PALM2AKAP2: variants seen among roughly 807,000 people sequenced by gnomAD.
PALM2AKAP2 encodes PALM2 and AKAP2 fusion.
Under a neutral mutation model 71.5 loss-of-function variants are expected in PALM2AKAP2, and 37 were observed. That is an observed-to-expected ratio of 0.52 (90% confidence interval 0.40 to 0.68). The LOEUF is 0.68. Ranked by LOEUF, PALM2AKAP2 falls within the 30% of genes least tolerant of loss-of-function variation. The pLI is 0.00. For synonymous variants in PALM2AKAP2, 468 were observed against 478.8 expected, an observed-to-expected ratio of 0.98 and a Z score of 0.29; for missense variants, 1,224 against 1,191.8, an observed-to-expected ratio of 1.03 and a Z score of -0.40.
At chr9:109,841,285 A>T (rs1255064562) in intron 1 of PALM2AKAP2, among the ~76,000 whole-genome samples, 3 of 142,692 alleles carry the variant, frequency 2.1e-5, no homozygotes, top group Non-Finnish European at 4.5e-5. Context: ...CAAACACCGC[A>T]TGTTCTCACT....
At chr9:109,924,266 G>A (rs1830900948) in intron 4 of PALM2AKAP2, among the ~76,000 whole-genome samples, 2 of 152,164 alleles carry the variant, frequency 1.3e-5, no homozygotes, top group South Asian at 4.1e-4. Flanking sequence ...AACACCTTAT[G>A]AAGTGGACAA....
intron 1 of PALM2AKAP2, among the ~76,000 whole-genome samples, chr9:110,050,983 T>C (rs1317597425): frequency 6.6e-6 from 1 of 152,174 alleles, no homozygotes; most frequent in African/African-American, 2.4e-5. Flanking sequence ...CCAAGTTTCC[T>C]GCAATTATCT....
intron 1 of PALM2AKAP2, among the ~76,000 whole-genome samples, chr9:109,646,285 C>T (rs1295785459): frequency 6.6e-6 from 1 of 152,186 alleles, no homozygotes; most frequent in African/African-American, 2.4e-5. Flanking sequence ...TTAACACCTG[C>T]AGTTATTAAT....
intron 1 of PALM2AKAP2, among the ~76,000 whole-genome samples, chr9:109,788,118 A>G (rs750658951): frequency 5.9e-5 from 9 of 152,248 alleles, no homozygotes; most frequent in South Asian, 2.1e-4. Flanking sequence ...ACATCTAGAT[A>G]GGTAATTGCT....
At chr9:109,786,275 A>G (rs1315200340) in intron 1 of PALM2AKAP2, among the ~76,000 whole-genome samples, 4 of 152,174 alleles carry the variant, frequency 2.6e-5, no homozygotes, top group Non-Finnish European at 5.9e-5. Context: ...CCTTGCAATG[A>G]TTTACATACT....
intron 3 of PALM2AKAP2, among the ~76,000 whole-genome samples, chr9:109,900,154 G>A (rs1830297539): frequency 6.6e-6 from 1 of 152,182 alleles, no homozygotes; most frequent in South Asian, 2.1e-4. Context: ...GGGAAGTTCA[G>A]CTTTTGTCTC....
chr9:109,982,029 C>T (rs931703724), intron 6 of PALM2AKAP2, among the ~76,000 whole-genome samples: 36 of 152,010 alleles, frequency 2.4e-4, no homozygotes, highest in African/African-American at 8.0e-4. Context: ...TCACAATAGC[C>T]GAGATTTGGA....
chr9:110,136,566 A>G (rs1231446698), exon 2 of PALM2AKAP2: 14 of 1,613,428 alleles, frequency 8.7e-6, no homozygotes, highest in African/African-American at 1.3e-5. Flanking sequence ...GCTAGCCGGC[A>G]GGCACCTCCT....
chr9:109,692,071 T>A (rs1428827152), intron 1 of PALM2AKAP2, among the ~76,000 whole-genome samples: 1 of 149,710 alleles, frequency 6.7e-6, no homozygotes, highest in Non-Finnish European at 1.5e-5. Flanking sequence ...TTAAATTTTT[T>A]TAAATTTTTA....
chr9:109,938,640 C>A (rs895964516), intron 6 of PALM2AKAP2, among the ~76,000 whole-genome samples: 1 of 152,074 alleles, frequency 6.6e-6, no homozygotes, highest in Non-Finnish European at 1.5e-5. Flanking sequence ...AGTCCCAGAG[C>A]CATATCACAT....
intron 1 of PALM2AKAP2, among the ~76,000 whole-genome samples, chr9:110,099,642 A>G (rs138440830): frequency 6.6e-6 from 1 of 152,290 alleles, no homozygotes; most frequent in East Asian, 1.9e-4. Flanking sequence ...AGGGGGTGGA[A>G]TTGTAGCAAA....
intron 1 of PALM2AKAP2, among the ~76,000 whole-genome samples, chr9:109,741,443 T>A (rs912046392): frequency 5.9e-5 from 9 of 152,234 alleles, no homozygotes; most frequent in Non-Finnish European, 1.5e-5. Flanking sequence ...TTATTGTGCA[T>A]ATACGTTTGC....
In PALM2AKAP2 at chr9:110,123,558, A is replaced by T. The variant is rs149546453; in HGVS notation, c.157-12569A>T. On this transcript the variant is annotated intron_variant, in intron 1 of 3. Coordinates refer to ENST00000374525, the Ensembl canonical transcript of PALM2AKAP2. ...GAGTTCAACATAAGAACTTGTGGAG[A>T]TGACTCAAGTCAACACACAACAGTG... 2.0e-3 allele frequency among the ~76,000 whole-genome samples: 298 copies of T among 152,240 alleles called. 6 individuals carry two copies. The highest frequency in any genetic ancestry group is 6.5e-3 in the African/African-American group (268 of 41,528).
chr9:110,010,130 G>C (rs1832853459), intron 6 of PALM2AKAP2, among the ~76,000 whole-genome samples: 1 of 152,160 alleles, frequency 6.6e-6, no homozygotes, highest in South Asian at 2.1e-4. Context: ...AACTGTCCCT[G>C]ATGGATATTT....
At chr9:109,672,516 G>A (rs770016594) in intron 1 of PALM2AKAP2, among the ~76,000 whole-genome samples, 2 of 152,122 alleles carry the variant, frequency 1.3e-5, no homozygotes, top group African/African-American at 2.4e-5. Context: ...GTATCGTGTT[G>A]AGGATTTTTG....
intron 1 of PALM2AKAP2, 97 bp from the exon 2 acceptor site, chr9:109,867,394 A>G (rs181163956): frequency 5.7e-6 from 8 of 1,407,228 alleles, no homozygotes; most frequent in African/African-American, 1.4e-5. Context: ...GGAAGTGTCT[A>G]TACAGATGTG....
At chr9:110,090,444 C>T (rs943556885) in intron 1 of PALM2AKAP2, 2 of 456,512 alleles carry the variant, frequency 4.4e-6, no homozygotes, top group Admixed American at 2.3e-5. Context: ...TTACTGTGGA[C>T]TTTTGCTTGC....
chr9:110,046,818 C>T (rs1448485240), upstream of PALM2AKAP2, among the ~76,000 whole-genome samples: 1 of 152,168 alleles, frequency 6.6e-6, no homozygotes, highest in East Asian at 1.9e-4. Flanking sequence ...AAATTTTACA[C>T]TTATTCTAAT....
At chr9:110,105,457 C>T (rs756894841) in intron 1 of PALM2AKAP2, among the ~76,000 whole-genome samples, 1 of 152,152 alleles carries the variant, frequency 6.6e-6, no homozygotes, top group African/African-American at 2.4e-5. Context: ...CAGGTTTTGT[C>T]ACTGACATTA....
Sources: gnomAD v4.1 joint callset for allele counts (sites outside exome capture counted in the v4.1 genomes callset) on GRCh38, gnomAD v4.1.1 for gene constraint, MANE v1.5 for transcripts, NCBI Gene and HGNC (gene_info 2026-07-23, HGNC 2026-07-21) for gene names.